ANKDD1A: variants seen among roughly 807,000 people sequenced by gnomAD.
ANKDD1A encodes ankyrin repeat and death domain-containing protein 1A.
A neutral mutation model predicts 63.5 loss-of-function variants in ANKDD1A; 59 were observed. The ratio of observed to expected loss-of-function variants is 0.93; its 90% CI spans 0.75 to 1.15. The LOEUF (loss-of-function observed/expected upper bound fraction) is 1.15, where lower values mean the gene tolerates loss of function less well. ANKDD1A is among the 50% of genes most tolerant of loss of function. The probability of loss-of-function intolerance (pLI) is 0.00; values close to 1 mark genes in which losing one functional copy is unlikely to be tolerated. For missense variants in ANKDD1A, 632 were observed against 656.4 expected (o/e 0.96, Z 0.41); for synonymous variants, 266 against 263.9 (o/e 1.01, Z -0.08).
At chr15:64,933,492 G>A (rs2085105369) in intron 8 of ANKDD1A, among the ~76,000 whole-genome samples, 1 of 152,188 alleles carries the variant, frequency 6.6e-6, no homozygotes, top group Non-Finnish European at 1.5e-5. Flanking sequence ...GTGCTGGGCA[G>A]TGCATGCTGG....
rs1252411594 is a variant in ANKDD1A, at chr15:64,947,470, C to T, written c.1228C>T (p.Gln410Ter). Residue 410 changes from glutamine (Q) to a stop codon, truncating the protein, a stop_gained, in exon 13 of 15, where the codon CAG (glutamine) becomes TAG (stop). Transcript: ENST00000319580. LOFTEE classifies it high-confidence loss of function. ...FKQDHRQETQ[Q>*]LRSVLWRLAS... ...GCAGGACCATCGGCAGGAAACACAG[C>T]AGCTCCGTTCTGTGCTGTGGCGGCT... 6.2e-7 allele frequency: 1 copy of T among 1,614,150 alleles called. No individual in the cohort carries two copies. The highest frequency in any genetic ancestry group is 8.5e-7 in the Non-Finnish European group (1 of 1,180,006).
chr15:64,915,620 C>T (rs552150057), intron 1 of ANKDD1A, among the ~76,000 whole-genome samples, 177 bp from the exon 2 acceptor site: 3 of 152,314 alleles, frequency 2.0e-5, no homozygotes, highest in African/African-American at 7.2e-5. Flanking sequence ...GAAGAGCAGC[C>T]TGTCTGGGGA....
At chr15:64,935,225 C>CAA (rs1243053667) in intron 9 of ANKDD1A, among the ~76,000 whole-genome samples, 5 of 98,732 alleles carry the variant, frequency 5.1e-5, no homozygotes, top group African/African-American at 1.1e-4. Flanking sequence ...GACTCTGTCT[C>CAA]AAAAAAAAAA....
chr15:64,941,567 C>T (rs1382406582), intron 9 of ANKDD1A, among the ~76,000 whole-genome samples: 1 of 152,048 alleles, frequency 6.6e-6, no homozygotes, highest in Non-Finnish European at 1.5e-5. Context: ...CACTCCATAC[C>T]CACTGGCCTA....
At position 64,925,902 on chromosome 15, in the gene ANKDD1A, G is replaced by A. The variant is rs544775471; in HGVS notation, c.367-164G>A. On this transcript the variant is annotated intron_variant, in intron 4 of 14. Transcript: ENST00000319580. Reference sequence around the variant, plus strand: ...CTGCCAGCCCCCCTAAGGCTAAGTGGGCAGCAGAGTGGGTTATCCCTCGGG... The same window carrying A: ...CTGCCAGCCCCCCTAAGGCTAAGTGAGCAGCAGAGTGGGTTATCCCTCGGG... 2.0e-5 allele frequency among the ~76,000 whole-genome samples: 3 copies of A among 152,214 alleles called. No homozygotes were observed. The South Asian group carries it at 6.2e-4, about 32-fold the overall frequency.
intron 4 of ANKDD1A, among the ~76,000 whole-genome samples, chr15:64,924,984 T>C (rs1394506247): frequency 6.6e-6 from 1 of 151,270 alleles, no homozygotes; most frequent in Non-Finnish European, 1.5e-5. Flanking sequence ...CCCAGGACTT[T>C]GGGAGGCCGA....
chr15:64,923,445 G>A (rs1332954051), intron 4 of ANKDD1A, among the ~76,000 whole-genome samples: 1 of 152,140 alleles, frequency 6.6e-6, no homozygotes, highest in Admixed American at 6.5e-5. Context: ...ATACGCCATT[G>A]TAAGCCTGTG....
intron 14 of ANKDD1A, among the ~76,000 whole-genome samples, chr15:64,951,720 C>CGTTCTTTCTTTTCTTTTTCTTT: frequency 7.3e-6 from 1 of 136,252 alleles, no homozygotes; most frequent in South Asian, 2.3e-4. Flanking sequence ...TCTTTTTCTT[C>CGTTCTTTCTTTTCTTTTTCTTT]CCTTTTCTTC....
intron 14 of ANKDD1A, among the ~76,000 whole-genome samples, chr15:64,953,001 G>C (rs1417520050): frequency 2.8e-5 from 4 of 140,948 alleles, no homozygotes; most frequent in Non-Finnish European, 3.0e-5. Context: ...CTCCTTCTTA[G>C]TTCTTTCTTC....
intron 1 of ANKDD1A, 51 bp downstream of exon 1, chr15:64,912,015 C>T: frequency 1.6e-6 from 2 of 1,237,894 alleles, no homozygotes; most frequent in East Asian, 3.2e-5. Flanking sequence ...GAGAGGACCC[C>T]CGCATCCGTT....
rs747862931 is a variant in ANKDD1A, at chr15:64,930,808, C to T, written c.571-14C>T. 4.3e-6 allele frequency: 7 copies of T among 1,609,904 alleles called. No individual in the cohort carries two copies. The South Asian group carries it at 7.8e-5, about 18-fold the overall frequency. On this transcript the variant is annotated splice_polypyrimidine_tract_variant and intron_variant, in intron 6 of 14. Coordinates refer to ENST00000319580, the MANE Select transcript of ANKDD1A (RefSeq NM_182703.6). ...TCTGGTCTGCTGGCCTCTCAGGAGC[C>T]CTTTTTCCTGCAGGAGGGGAACACT...
chr15:64,918,660 T>A (rs4776650), intron 3 of ANKDD1A, among the ~76,000 whole-genome samples: 125,318 of 152,122 alleles, frequency 0.82, 51,794 homozygotes, highest in East Asian at 0.98. Context: ...CCTTTTAGAA[T>A]CCCTCCTTGT....
Position 64,947,303 on chromosome 15 carries a change from C to G in ANKDD1A, c.1162-101C>G, listed in dbSNP as rs2085231026. On this transcript the variant is annotated intron_variant, in intron 12 of 14. Transcript: ENST00000319580. ...TTGCTGACTCCAGCTCCCAGGCACC[C>G]CAGCAGAGGTGGTAGGAGGGTCATA... 4.2e-5 allele frequency: 52 copies of G among 1,248,762 alleles called. 3 individuals are homozygous for G. In the South Asian group the frequency reaches 7.7e-4, roughly 18 times the overall value. 77.4% of individuals were successfully genotyped at this position (1,248,762 alleles called of 1,614,324 possible).
intron 6 of ANKDD1A, among the ~76,000 whole-genome samples, chr15:64,928,334 G>C (rs557273281): frequency 6.6e-6 from 1 of 152,228 alleles, no homozygotes; most frequent in East Asian, 1.9e-4. Context: ...TGCAAAGAGC[G>C]GGGAGGGCAG....
chr15:64,949,050 G>A lies in ANKDD1A; in HGVS notation c.1352-791G>A, dbSNP rs1190354791. On this transcript the variant is annotated intron_variant, in intron 13 of 14. Coordinates refer to ENST00000319580, the MANE Select transcript of ANKDD1A (RefSeq NM_182703.6). ...GTGCCACCACACCAAGGGCAGTACC[G>A]TGAGGACATGCCTGCTGAGGGCCCC... Among the ~76,000 whole-genome samples, 8 of 152,334 alleles carry A rather than the reference G, an allele frequency of 5.3e-5. No homozygotes were observed. The South Asian group carries it at 1.0e-3, about 20-fold the overall frequency.
intron 14 of ANKDD1A, among the ~76,000 whole-genome samples, chr15:64,952,267 CTTCT>C (rs372057618): frequency 0.011 from 1,698 of 148,280 alleles, 29 homozygotes; most frequent in African/African-American, 0.04. Context: ...CTTCCTTCTC[CTTCT>C]TTTTCTTCTT....
chr15:64,939,238 G>A (rs1296370472), intron 9 of ANKDD1A, among the ~76,000 whole-genome samples: 1 of 152,126 alleles, frequency 6.6e-6, no homozygotes, highest in African/African-American at 2.4e-5. Flanking sequence ...GGTCAAGGCT[G>A]CAGTGAGCCA....
chr15:64,946,069 T>C (rs1306092952), intron 12 of ANKDD1A, among the ~76,000 whole-genome samples: 1 of 152,226 alleles, frequency 6.6e-6, no homozygotes, highest in Non-Finnish European at 1.5e-5. Context: ...ATTCTATTTA[T>C]ACAACTAGTA....
intron 13 of ANKDD1A, 98 bp downstream of exon 13, chr15:64,947,691 G>T (rs2085234882): frequency 2.8e-6 from 4 of 1,429,642 alleles, no homozygotes; most frequent in Non-Finnish European, 3.8e-6. Context: ...GAAAGGGCCT[G>T]TGCAACCCAC....
Sources: gnomAD v4.1 joint callset for allele counts (sites outside exome capture counted in the v4.1 genomes callset) on GRCh38, gnomAD v4.1.1 for gene constraint, MANE v1.5 for transcripts, NCBI Gene and HGNC (gene_info 2026-07-23, HGNC 2026-07-21) for gene names.